SMAD7: variants seen among roughly 807,000 people sequenced by gnomAD.
The protein encoded by SMAD7 is SMAD family member 7.
A neutral mutation model predicts 38.7 loss-of-function variants in SMAD7; 8 were observed. That is an observed-to-expected ratio of 0.21 (90% CI 0.12 to 0.37). SMAD7 has a LOEUF of 0.37. SMAD7 is among the 10% of genes least tolerant of loss of function. SMAD7 has a pLI of 1.00. For synonymous variants in SMAD7, 327 were observed against 265.1 expected, an observed-to-expected ratio of 1.23 and a Z score of -2.27; for missense variants, 477 against 577.9, an observed-to-expected ratio of 0.83 and a Z score of 1.79.
At chr18:48,928,190 G>A (rs1267152571) in intron 3 of SMAD7, among the ~76,000 whole-genome samples, 1 of 152,174 alleles carries the variant, frequency 6.6e-6, no homozygotes, top group East Asian at 1.9e-4. Context: ...AGTTTGACCT[G>A]TCCATAAATA....
chr18:48,945,291 T>C (rs2070183305), intron 2 of SMAD7, among the ~76,000 whole-genome samples: 1 of 151,962 alleles, frequency 6.6e-6, no homozygotes, highest in South Asian at 2.1e-4. Context: ...TGAAACCCCG[T>C]CTCTACTAAA....
At position 48,942,468 on chromosome 18, in the gene SMAD7, G is replaced by T. The variant is rs749374057; in HGVS notation, c.742+13C>A. On this transcript the variant is annotated intron_variant, in intron 3 of 3. Coordinates refer to ENST00000262158, the MANE Select transcript of SMAD7 (RefSeq NM_005904.4). ...GGTTGGAATTGCCAGGAAAATAAGA[G>T]AAAGCATCTTACCTGAAAGCCCCCC... 2 of 1,543,642 alleles carry T rather than the reference G, an allele frequency of 1.3e-6. No individual in the cohort carries two copies. Among genetic ancestry groups the T allele is most frequent in the Admixed American group, 4.3e-5 (2 of 46,432 alleles).
chr18:48,942,780 C>T (rs2070157077), intron 2 of SMAD7: 7 of 1,389,912 alleles, frequency 5.0e-6, no homozygotes, highest in Non-Finnish European at 6.5e-6. Context: ...GCCAGTTAAT[C>T]ATTACTCGAG....
rs574239134 is a variant in SMAD7, at chr18:48,920,641, C to T, written c.*731G>A. 1 of 152,374 alleles carries T rather than the reference C, an allele frequency of 6.6e-6. No homozygotes were observed. The highest frequency in any genetic ancestry group is 2.4e-5 in the African/African-American group (1 of 41,488). 9.4% of individuals were successfully genotyped at this position (152,374 alleles called of 1,614,324 possible). ...TCAGGGAGATCCAGGAGCAGATGGC[C>T]AAAAAAGAAAGACGCTACAATGGCA... On this transcript the variant is annotated 3_prime_UTR_variant, in exon 4 of 4. Transcript: ENST00000262158.
rs549368257 is a variant in SMAD7 at position 48,948,367 on chromosome 18, A to T, written c.667+17T>A. ...TAACTTAAGATAAGCAGGATATTTT[A>T]AAAATCATCTACTCACCAGTTGGTT... is the stretch of plus-strand genomic sequence containing the variant. On this transcript the variant is annotated intron_variant, in intron 2 of 3. Transcript: ENST00000262158. 37 of 1,562,146 alleles carry T rather than the reference A, an allele frequency of 2.4e-5. No individual in the cohort carries two copies. In the East Asian group the frequency reaches 7.6e-4, roughly 32 times the overall value.
At chr18:48,949,199 G>C (rs1323979772) in intron 1 of SMAD7, 2 of 698,208 alleles carry the variant, frequency 2.9e-6, no homozygotes, top group South Asian at 6.4e-5. Context: ...CTGCACCCTG[G>C]GGCTGGCAGA....
At chr18:48,923,162 G>A (rs910164287) in intron 3 of SMAD7, among the ~76,000 whole-genome samples, 1 of 152,214 alleles carries the variant, frequency 6.6e-6, no homozygotes, top group Non-Finnish European at 1.5e-5. Flanking sequence ...AAAGCAGAGG[G>A]GAAGGGCCCC....
At chr18:48,943,537 G>C (rs895190705) in intron 2 of SMAD7, among the ~76,000 whole-genome samples, 1 of 152,110 alleles carries the variant, frequency 6.6e-6, no homozygotes, top group Non-Finnish European at 1.5e-5. Context: ...AAATACACAA[G>C]ACCCTGTAAG....
chr18:48,939,864 C>T lies in SMAD7; in HGVS notation c.742+2617G>A, dbSNP rs895959976. Among the ~76,000 whole-genome samples the T allele has an allele frequency of 4.6e-5, 7 of 151,170 alleles. No homozygotes were observed. In the East Asian group the frequency reaches 7.9e-4, roughly 17 times the overall value. ...CCCCAACCTCAGTGTCTGCTATGCC[C>T]CTTCCCCCATCCAGCCCTGCCACAT... On this transcript the variant is annotated intron_variant, in intron 3 of 3. Transcript: ENST00000262158.
chr18:48,939,023 C>T (rs1300542859), intron 3 of SMAD7, among the ~76,000 whole-genome samples: 2 of 152,166 alleles, frequency 1.3e-5, no homozygotes, highest in African/African-American at 4.8e-5. Flanking sequence ...TTGGAGAGGC[C>T]GCCCTGACAT....
At position 48,942,527 on chromosome 18, in the gene SMAD7, G is replaced by A. The variant is rs145552668; in HGVS notation, c.696C>T (p.Ser232=). ...TADCPDAVPS[S]AETGGTNYLA... ...GATAATTCGTTCCCCCTGTTTCAGC[G>A]GAGGAAGGCACAGCATCTGGACAGT... Residue 232 remains serine (S), a synonymous_variant, in exon 3 of 4, where the codon TCC becomes TCT. Coordinates refer to ENST00000262158, the MANE Select transcript of SMAD7 (RefSeq NM_005904.4). 325 of 1,609,300 alleles carry A rather than the reference G, an allele frequency of 2.0e-4. No individual in the cohort carries two copies. Among genetic ancestry groups the A allele is most frequent in the Non-Finnish European group, 2.6e-4 (301 of 1,178,232 alleles).
chr18:48,947,269 G>A (rs2070205573), intron 2 of SMAD7, among the ~76,000 whole-genome samples: 1 of 152,202 alleles, frequency 6.6e-6, no homozygotes, highest in South Asian at 2.1e-4. Flanking sequence ...AGCTGGTAGA[G>A]TCCCAGGAGG....
intron 3 of SMAD7, among the ~76,000 whole-genome samples, chr18:48,936,513 G>A (rs531213345): frequency 1.3e-5 from 2 of 152,186 alleles, no homozygotes; most frequent in African/African-American, 2.4e-5. Context: ...TGACAGCAAA[G>A]CAAAACAGTG....
In SMAD7 at chr18:48,921,708, G is replaced by A; in HGVS notation, c.945C>T (p.Ser315=). Residue 315 remains serine (S), a synonymous_variant, in exon 4 of 4, where the codon AGC becomes AGT. Coordinates refer to ENST00000262158, the MANE Select transcript of SMAD7 (RefSeq NM_005904.4). This position sits in a 1 kb window ranked among gnomAD's most constrained non-coding sequence, Gnocchi z 6.4. The part of the protein sequence containing the change: ...NKSQLVQKVR[S]KIGCGIQLTR... ...TCAGCTGGATGCCGCAGCCGATTTT[G>A]CTCCGCACCTTCTGCACCAGCTGAC... 1 of 1,614,014 alleles carries A rather than the reference G, an allele frequency of 6.2e-7. No homozygotes were observed. Among genetic ancestry groups the A allele is most frequent in the Admixed American group, 1.7e-5 (1 of 60,024 alleles).
chr18:48,942,796 C>G, intron 2 of SMAD7: 1 of 1,329,534 alleles, frequency 7.5e-7, no homozygotes, highest in Non-Finnish European at 9.6e-7. Context: ...TCGAGTCAGG[C>G]TCAATGAGAC....
chr18:48,926,712 G>A (rs1477286332), intron 3 of SMAD7, among the ~76,000 whole-genome samples: 1 of 152,164 alleles, frequency 6.6e-6, no homozygotes, highest in Non-Finnish European at 1.5e-5. Context: ...CCTCGCTAAC[G>A]CCAGGTCCAG....
chr18:48,931,827 G>C (rs2070004589), intron 3 of SMAD7, among the ~76,000 whole-genome samples: 1 of 152,258 alleles, frequency 6.6e-6, no homozygotes, highest in Non-Finnish European at 1.5e-5. Context: ...CCAGCCTCTA[G>C]TGACAGGAAA....
intron 3 of SMAD7, among the ~76,000 whole-genome samples, chr18:48,932,061 A>C (rs2070008970): frequency 6.6e-6 from 1 of 152,226 alleles, no homozygotes; most frequent in African/African-American, 2.4e-5. Context: ...TGGTGCACTC[A>C]GATCACACTG....
chr18:48,929,635 C>T (rs1343506008), intron 3 of SMAD7, among the ~76,000 whole-genome samples: 1 of 145,936 alleles, frequency 6.9e-6, no homozygotes, highest in Non-Finnish European at 1.5e-5. Context: ...CAAACCACTG[C>T]ATCATTAAGC....
Sources: allele counts gnomAD v4.1 joint callset (sites outside exome capture counted in the v4.1 genomes callset), GRCh38; gene constraint gnomAD v4.1.1; non-coding constraint Gnocchi (gnomAD v3.1); transcripts MANE v1.5; gene names NCBI Gene and HGNC (gene_info 2026-07-23, HGNC 2026-07-21).